TET1: variants seen among roughly 807,000 people sequenced by gnomAD.
The protein encoded by TET1 is methylcytosine dioxygenase TET1.
TET1 carries 13 observed loss-of-function variants against 148.7 expected under a neutral mutation model. The observed-to-expected ratio is 0.09, with a 90% confidence interval of 0.06 to 0.14. The LOEUF (loss-of-function observed/expected upper bound fraction) is 0.14, where lower values mean the gene tolerates loss of function less well. Ranked by LOEUF, TET1 falls within the 10% of genes least tolerant of loss-of-function variation. The pLI, the probability that TET1 is intolerant of heterozygous loss-of-function variation, is 1.00. For synonymous variants in TET1, 907 were observed against 937.2 expected (o/e 0.97, Z 0.59); for missense variants, 2,182 against 2,553.8 (o/e 0.85, Z 3.14).
At chr10:68,683,536 G>A (rs1478975624) in intron 10 of TET1, among the ~76,000 whole-genome samples, 5 of 149,924 alleles carry the variant, frequency 3.3e-5, no homozygotes, top group East Asian at 2.0e-4. Context: ...CCTTGGCCTC[G>A]AAAAGTGCTG....
At chr10:68,670,345 A>T (rs2055256103) in intron 7 of TET1, among the ~76,000 whole-genome samples, 1 of 152,134 alleles carries the variant, frequency 6.6e-6, no homozygotes, top group African/African-American at 2.4e-5. Context: ...AAATTTTTGA[A>T]GCGAAAAGGC....
intron 3 of TET1, among the ~76,000 whole-genome samples, chr10:68,639,508 G>A (rs1422267338): frequency 6.6e-6 from 1 of 151,252 alleles, no homozygotes; most frequent in Non-Finnish European, 1.5e-5. Flanking sequence ...AGGGTCTCTC[G>A]CCCAGGCTGC....
chr10:68,643,571 A>G (rs928780510), intron 3 of TET1, among the ~76,000 whole-genome samples: 1 of 152,124 alleles, frequency 6.6e-6, no homozygotes, highest in Non-Finnish European at 1.5e-5. Context: ...CTGTAATGCC[A>G]GCACTTTGGG....
At chr10:68,585,586 A>G (rs1282543602) in intron 2 of TET1, among the ~76,000 whole-genome samples, 2 of 152,118 alleles carry the variant, frequency 1.3e-5, no homozygotes, top group Non-Finnish European at 2.9e-5. Context: ...TCAGAATTAT[A>G]TGCAGCATAT....
chr10:68,563,172 G>A (rs1395622253), intron 1 of TET1, among the ~76,000 whole-genome samples: 1 of 151,108 alleles, frequency 6.6e-6, no homozygotes. Context: ...CTTCCTCTCT[G>A]CAGGGCAGAG....
chr10:68,609,232 G>A (rs2054171604), intron 3 of TET1, among the ~76,000 whole-genome samples: 1 of 152,044 alleles, frequency 6.6e-6, no homozygotes, highest in African/African-American at 2.4e-5. Flanking sequence ...CGTGATCTTG[G>A]CTCACTGCAA....
At chr10:68,651,562 T>A (rs560256150) in intron 4 of TET1, among the ~76,000 whole-genome samples, 4 of 152,180 alleles carry the variant, frequency 2.6e-5, no homozygotes, top group Admixed American at 2.6e-4. Context: ...GATTTTTTTT[T>A]TAAGCAGGAG....
At chr10:68,677,086 T>C (rs1288755125) in intron 8 of TET1, among the ~76,000 whole-genome samples, 1 of 152,204 alleles carries the variant, frequency 6.6e-6, no homozygotes, top group Non-Finnish European at 1.5e-5. Flanking sequence ...TTAAGGCATT[T>C]TCCTTGCTCA....
In TET1 at chr10:68,588,294, T is replaced by G. The variant is rs1445579863; in HGVS notation, c.1915-12687T>G. On this transcript the variant is annotated intron_variant, in intron 2 of 11. Coordinates refer to ENST00000373644, the MANE Select transcript of TET1 (RefSeq NM_030625.3). ...CACTATGCTCAGCCTTATTCAGTAT[T>G]TATTAAGTGAGCAGTATAGCATTAA... Among the ~76,000 whole-genome samples the G allele has an allele frequency of 3.3e-5, 5 of 152,220 alleles. No homozygotes were observed. In the South Asian group the frequency reaches 6.2e-4, roughly 19 times the overall value.
chr10:68,607,410 T>G (rs1003489345), intron 3 of TET1, among the ~76,000 whole-genome samples: 10 of 38,168 alleles, frequency 2.6e-4, no homozygotes, highest in South Asian at 2.2e-3. Flanking sequence ...GATCTTAAGT[T>G]TTTTTTTTTT....
At chr10:68,635,243 CCTAT>C (rs977875378) in intron 3 of TET1, among the ~76,000 whole-genome samples, 6 of 151,720 alleles carry the variant, frequency 4.0e-5, no homozygotes, top group Non-Finnish European at 8.8e-5. Flanking sequence ...TAGAAAAATG[CCTAT>C]CTAATAGGCA....
At position 68,615,178 on chromosome 10, in the gene TET1, G is replaced by C. The variant is rs377120499; in HGVS notation, c.1968+14144G>C. Among the ~76,000 whole-genome samples, 4 of 151,452 alleles carry C rather than the reference G, an allele frequency of 2.6e-5. No individual in the cohort carries two copies. The South Asian group carries it at 8.3e-4, about 32-fold the overall frequency. On this transcript the variant is annotated intron_variant, in intron 3 of 11. Transcript: ENST00000373644. Reference sequence around the variant, plus strand: ...GAACTCCTGACCTCGTGATCCACCCGCCTGGGCCTCCTGAAGGGCTGAGAT... The same window carrying C: ...GAACTCCTGACCTCGTGATCCACCCCCCTGGGCCTCCTGAAGGGCTGAGAT...
chr10:68,570,411 G>A (rs973445154), intron 1 of TET1, among the ~76,000 whole-genome samples: 1 of 151,384 alleles, frequency 6.6e-6, no homozygotes, highest in African/African-American at 2.4e-5. Context: ...AGCCAGTACC[G>A]GATAGTTTTT....
chr10:68,619,254 A>G (rs2054336288), intron 3 of TET1, among the ~76,000 whole-genome samples: 2 of 152,056 alleles, frequency 1.3e-5, no homozygotes. Context: ...TTTTTGAGCC[A>G]GAGTCTCTAT....
Position 68,565,365 on chromosome 10 carries a change from C to T in TET1, c.-123+4623C>T, listed in dbSNP as rs1228206879. On this transcript the variant is annotated intron_variant, in intron 1 of 11. Transcript: ENST00000373644. ...GTGTGGTGGCACGTGCCTGTAGTGC[C>T]AGCTACTTGGGAAGCTGAGGTGGGA... 2.0e-5 allele frequency among the ~76,000 whole-genome samples: 3 copies of T among 151,060 alleles called. No homozygotes were observed. The East Asian group carries it at 5.9e-4, about 30-fold the overall frequency.
In TET1 at chr10:68,691,889, T is replaced by A; in HGVS notation, c.*75T>A. The stretch of plus-strand genomic sequence containing the variant: ...AAGGTGCTGTTAAAAGAAAGTCATG[T>A]TGTCGTTTACTATCTTCATCTCACC... On this transcript the variant is annotated 3_prime_UTR_variant, in exon 12 of 12. Transcript: ENST00000373644. The surrounding 1 kb of genome is among the most constrained non-coding windows in gnomAD (Gnocchi z 4.4). 6.7e-7 allele frequency: 1 copy of A among 1,495,360 alleles called. No individual in the cohort carries two copies. The highest frequency in any genetic ancestry group is 8.9e-7 in the Non-Finnish European group (1 of 1,118,074). 92.6% of individuals were successfully genotyped at this position (1,495,360 alleles called of 1,614,324 possible). A position where few individuals can be genotyped will look rare whatever the true frequency, so the allele number is the denominator to read the frequency against.
Position 68,573,312 on chromosome 10 carries a change from C to T in TET1, c.974C>T (p.Ser325Phe). The stretch of plus-strand genomic sequence containing the variant: ...CTTGGTGGGTCTACGTCTCCTACCT[C>T]TGTAATAAAATTCCTCTTGGCAGGC... Reference protein sequence around the residue: ...LALGGSTSPTSVIKFLLAGSK... With the variant: ...LALGGSTSPTFVIKFLLAGSK... Residue 325 changes from serine (S) to phenylalanine (F), a missense_variant, in exon 2 of 12, where the codon TCT becomes TTT. Ser to Phe is a radical substitution (Grantham distance 155). Transcript: ENST00000373644. 6.2e-7 allele frequency: 1 copy of T among 1,614,098 alleles called. No individual in the cohort carries two copies. The highest frequency in any genetic ancestry group is 8.5e-7 in the Non-Finnish European group (1 of 1,180,014).
At position 68,691,503 on chromosome 10, in the gene TET1, G is replaced by C. The variant is rs137872013; in HGVS notation, c.6100G>C (p.Glu2034Gln). The part of the protein sequence containing the change: ...RRELHATTPV[E>Q]HPNRNHPTRL... ...AGAGCTGCACGCTACCACTCCTGTT[G>C]AGCACCCCAACCGTAATCATCCAAC... Residue 2034 changes from glutamate (E) to glutamine (Q), a missense_variant, in exon 12 of 12, where the codon GAG becomes CAG. This residue lies in a region of TET1 where 20 missense variants were observed against 23.9 expected (regional missense o/e 0.84). Transcript: ENST00000373644. The surrounding 1 kb of genome is among the most constrained non-coding windows in gnomAD (Gnocchi z 4.4). 1.9e-4 allele frequency: 306 copies of C among 1,613,778 alleles called. No individual in the cohort carries two copies. Among genetic ancestry groups the C allele is most frequent in the Non-Finnish European group, 2.5e-4 (298 of 1,180,020 alleles).
At chr10:68,656,478 G>A (rs994661341) in intron 6 of TET1, among the ~76,000 whole-genome samples, 2 of 152,154 alleles carry the variant, frequency 1.3e-5, no homozygotes, top group African/African-American at 4.8e-5. Flanking sequence ...TAGCCAGGAT[G>A]GTCTTGATCT....
Sources: gnomAD v4.1 joint callset for allele counts (sites outside exome capture counted in the v4.1 genomes callset) on GRCh38, gnomAD v4.1.1 for gene constraint, gnomAD v4.1.1 regional missense constraint, Gnocchi (gnomAD v3.1) non-coding constraint, MANE v1.5 for transcripts, NCBI Gene and HGNC (gene_info 2026-07-23, HGNC 2026-07-21) for gene names.